Variants in VPS9D1 observed in about 807,000 individuals in gnomAD.
The protein encoded by VPS9D1 is VPS9 domain-containing protein 1.
Under a neutral mutation model 75.8 loss-of-function variants are expected in VPS9D1, and 78 were observed. The observed-to-expected ratio is 1.03, with a 90% CI of 0.86 to 1.24. The LOEUF is 1.24. Among genes scored for constraint, VPS9D1 ranks in the 50% most tolerant of loss-of-function variants. The pLI, the probability that VPS9D1 is intolerant of heterozygous loss-of-function variation, is 0.00. For missense variants in VPS9D1, 1,057 were observed against 847.7 expected (o/e 1.25, Z -3.07); for synonymous variants, 481 against 385.6 (o/e 1.25, Z -2.90).
chr16:89,710,829 C>T lies in VPS9D1; in HGVS notation c.1015G>A (p.Glu339Lys), dbSNP rs902718558. 5.9e-6 allele frequency: 9 copies of T among 1,525,540 alleles called. No individual in the cohort carries two copies. The highest frequency in any genetic ancestry group is 8.0e-6 in the Non-Finnish European group (9 of 1,131,574). The allele number at this position is 1,525,540 out of a possible 1,614,324, so 94.5% of individuals were successfully genotyped here. The change falls in exon 10 of 15, where the codon GAG (glutamate) becomes AAG (lysine). Residue 339 changes from glutamate to lysine, a missense_variant. By Grantham distance (56) the Glu-to-Lys change is moderately conservative. Transcript: ENST00000389386. The part of the protein sequence containing the change: ...QSLHCMLSPP[E>K]PSAAPRPQDS... ...TGGGGCCGCGGGGCTGCGCTGGGCT[C>T]GGGCGGGGACAGCATGCAATGGAGG... is the stretch of plus-strand genomic sequence containing the variant.
At chr16:89,714,794 G>C (rs2061022846) in intron 4 of VPS9D1, among the ~76,000 whole-genome samples, 2 of 152,018 alleles carry the variant, frequency 1.3e-5, no homozygotes, top group South Asian at 4.1e-4. Flanking sequence ...GAGTGCAGTG[G>C]CACGATCTTG....
In VPS9D1 at chr16:89,716,623, C is replaced by T. The variant is rs772489373; in HGVS notation, c.270G>A (p.Gly90=). 3.6e-5 allele frequency: 58 copies of T among 1,612,586 alleles called. No individual in the cohort carries two copies. Among genetic ancestry groups the T allele is most frequent in the Non-Finnish European group, 4.7e-5 (56 of 1,179,062 alleles). Residue 90 remains glycine (G), a splice_region_variant and synonymous_variant, in exon 4 of 15, where the codon GGG becomes GGA. Transcript: ENST00000389386. ...GCATGGTTGGCTTCAGGCGTGTTTTCCCTGCAAGCCATGGGTAACCAGGGG... is the reference window on the plus strand; with the variant it reads ...GCATGGTTGGCTTCAGGCGTGTTTTTCCTGCAAGCCATGGGTAACCAGGGG... ...ERAQSTAAKL[G]KTRLKPTMPA...
In VPS9D1 at chr16:89,716,534, C is replaced by A; in HGVS notation, c.359G>T (p.Gly120Val). The change falls in exon 4 of 15, where the codon GGA (glycine) becomes GTA (valine). Residue 120 changes from glycine (G) to valine (V), a missense_variant. Physicochemically the swap from Gly to Val is moderately radical, Grantham distance 109. Transcript: ENST00000389386. The stretch of plus-strand genomic sequence containing the variant: ...GGGTGGCAGAAAAGGAGAGAGCTTT[C>A]CTCCTTCATCGGAGTATACACGGCG... ...RHRRVYSDEG[G>V]KLSPFLPPEI... 6.2e-7 allele frequency: 1 copy of A among 1,614,134 alleles called. No individual in the cohort carries two copies. The highest frequency in any genetic ancestry group is 8.5e-7 in the Non-Finnish European group (1 of 1,180,024).
intron 4 of VPS9D1, among the ~76,000 whole-genome samples, chr16:89,714,522 G>T (rs1430856729): frequency 6.6e-6 from 1 of 152,206 alleles, no homozygotes. Flanking sequence ...GAAAGTCAGA[G>T]CCTGACGCCT....
chr16:89,713,678 C>G (rs537938586), intron 4 of VPS9D1, among the ~76,000 whole-genome samples: 21 of 152,076 alleles, frequency 1.4e-4, no homozygotes, highest in Non-Finnish European at 2.4e-4. Context: ...TGTATGACTT[C>G]GAATGTGGCC....
At chr16:89,709,155 T>C in intron 12 of VPS9D1, 72 bp downstream of exon 12, 1 of 1,595,618 alleles carries the variant, frequency 6.3e-7, no homozygotes, top group South Asian at 1.1e-5. Context: ...AGCTCAGTGG[T>C]GAAGACACAG....
Position 89,708,837 on chromosome 16 carries a change from C to T in VPS9D1, c.1697+20G>A. ...TAGGGCCCTTCCTCCCTGGCCACAC[C>T]TCGCCCTCCTGGGACTCACATGGCA... On this transcript the variant is annotated intron_variant, in intron 13 of 14. Transcript: ENST00000389386. The T allele has an allele frequency of 3.2e-6, 5 of 1,567,366 alleles. No homozygotes were observed. Among genetic ancestry groups the T allele is most frequent in the South Asian group, 1.2e-5 (1 of 83,670 alleles).
chr16:89,713,647 G>C (rs1304019567), intron 4 of VPS9D1, among the ~76,000 whole-genome samples: 2 of 152,136 alleles, frequency 1.3e-5, no homozygotes, highest in Non-Finnish European at 2.9e-5. Flanking sequence ...GTTAAAGCAA[G>C]CTTGTGCAAC....
rs762976249 is a variant in VPS9D1, at chr16:89,711,420, A to G, written c.748-8T>C. 5 of 1,600,990 alleles carry G rather than the reference A, an allele frequency of 3.1e-6. No homozygotes were observed. The South Asian group carries it at 4.5e-5, about 14-fold the overall frequency. ...CCAGTGCTTCGGCCAGTCCTACGGGACAGGGGGCCTTGAAGGAAAGCACGG... is the reference window on the plus strand; with the variant it reads ...CCAGTGCTTCGGCCAGTCCTACGGGGCAGGGGGCCTTGAAGGAAAGCACGG... On this transcript the variant is annotated splice_polypyrimidine_tract_variant and splice_region_variant and intron_variant, in intron 8 of 14. Coordinates refer to ENST00000389386, the MANE Select transcript of VPS9D1 (RefSeq NM_004913.3).
chr16:89,711,126 T>C, intron 9 of VPS9D1, 116 bp from the exon 10 acceptor site: 1 of 1,260,876 alleles, frequency 7.9e-7, no homozygotes, highest in Admixed American at 2.9e-5. Context: ...TGACAGTGAA[T>C]GTTGGAAAGT....
chr16:89,711,836 C>T (rs897104246), intron 8 of VPS9D1, 46 bp downstream of exon 8: 2 of 1,540,676 alleles, frequency 1.3e-6, no homozygotes, highest in South Asian at 1.2e-5. Flanking sequence ...ACCCCGCCCC[C>T]CTCGCTGGGC....
intron 1 of VPS9D1, chr16:89,720,322 TA>T: frequency 1.2e-6 from 1 of 841,706 alleles, no homozygotes; most frequent in Non-Finnish European, 1.4e-6. Context: ...TTTTCCTTCC[TA>T]AGACGACTGC....
Position 89,709,278 on chromosome 16 carries a change from G to T in VPS9D1, c.1546C>A (p.Leu516Ile). 1.2e-6 allele frequency: 2 copies of T among 1,611,210 alleles called. No individual in the cohort carries two copies. Among genetic ancestry groups the T allele is most frequent in the Non-Finnish European group, 8.5e-7 (1 of 1,179,742 alleles). The change falls in exon 12 of 15, where the codon CTC becomes ATC. Residue 516 changes from leucine to isoleucine, a missense_variant. By Grantham distance (5) the Leu-to-Ile change is conservative (BLOSUM62 2). Coordinates refer to ENST00000389386, the MANE Select transcript of VPS9D1 (RefSeq NM_004913.3). ...CAGCTCTCCAGGACCAGCAGTCCGAGCTCCTGGGCCGCCGCGCAGTAGGGG... is the reference window on the plus strand; with the variant it reads ...CAGCTCTCCAGGACCAGCAGTCCGATCTCCTGGGCCGCCGCGCAGTAGGGG... ...GYPYCAAAQELGLLVLESCPQ... is the reference protein window; with the variant it reads ...GYPYCAAAQEIGLLVLESCPQ...
chr16:89,712,438 C>T, intron 6 of VPS9D1, 22 bp downstream of exon 6: 1 of 1,612,296 alleles, frequency 6.2e-7, no homozygotes, highest in Non-Finnish European at 8.5e-7. Context: ...TCGGGGACCA[C>T]CAGGGCGGTC....
At chr16:89,708,378 G>T in intron 14 of VPS9D1, 49 bp downstream of exon 14, 2 of 1,534,456 alleles carry the variant, frequency 1.3e-6, no homozygotes, top group Non-Finnish European at 1.8e-6. Flanking sequence ...GAGGGATGAG[G>T]TCCCTGCTCT....
intron 12 of VPS9D1, 64 bp from the exon 13 acceptor site, chr16:89,709,020 A>ACCTCCCCCCC: frequency 7.8e-7 from 1 of 1,277,898 alleles, no homozygotes. Context: ...CACCCCTTAT[A>ACCTCCCCCCC]CCCCGCCCAC....
At chr16:89,718,791 T>C (rs1426209260) in intron 2 of VPS9D1, among the ~76,000 whole-genome samples, 2 of 151,770 alleles carry the variant, frequency 1.3e-5, no homozygotes, top group Non-Finnish European at 2.9e-5. Flanking sequence ...CTCGGCTCAC[T>C]GCAACCTCTG....
At chr16:89,720,023 CTA>C (rs66611859) in intron 1 of VPS9D1, among the ~76,000 whole-genome samples, 2,181 of 152,328 alleles carry the variant, frequency 0.014, 28 homozygotes, top group South Asian at 0.081. Flanking sequence ...CAGCAATATG[CTA>C]TGTTTTTTTG....
intron 14 of VPS9D1, 120 bp downstream of exon 14, chr16:89,708,306 AT>A: frequency 1.0e-6 from 1 of 976,370 alleles, no homozygotes; most frequent in South Asian, 1.6e-5. Flanking sequence ...GCCCGAAGGC[AT>A]GGCTGTGACG....
Sources: allele counts gnomAD v4.1 joint callset (sites outside exome capture counted in the v4.1 genomes callset), GRCh38; gene constraint gnomAD v4.1.1; transcripts MANE v1.5; gene names NCBI Gene and HGNC (gene_info 2026-07-23, HGNC 2026-07-21).